The following FSTL4 variants were observed in gnomAD, a reference collection of about 807,000 sequenced individuals.
FSTL4 encodes the protein follistatin like 4.
FSTL4 carries 28 observed loss-of-function variants against 78.2 expected under a neutral mutation model. The ratio of observed to expected loss-of-function variants is 0.36; its 90% CI spans 0.27 to 0.49. FSTL4 has a LOEUF of 0.49. Among genes scored for constraint, FSTL4 ranks in the 20% least tolerant of loss-of-function variants. The pLI, the probability that FSTL4 is intolerant of heterozygous loss-of-function variation, is 0.98. For missense variants in FSTL4, 922 were observed against 1,084.9 expected (o/e 0.85, Z 2.11); for synonymous variants, 422 against 440.5 (o/e 0.96, Z 0.53).
intron 7 of FSTL4, chr5:133,244,266 GAC>G (rs1348427945): frequency 1.3e-5 from 2 of 152,350 alleles, no homozygotes; most frequent in Non-Finnish European, 2.9e-5. Flanking sequence ...CCTTCTACCA[GAC>G]ACAAGCACAG....
intron 3 of FSTL4, among the ~76,000 whole-genome samples, chr5:133,531,226 T>A (rs987266526): frequency 6.6e-6 from 1 of 152,174 alleles, no homozygotes; most frequent in Non-Finnish European, 1.5e-5. Flanking sequence ...CATGTTCCTT[T>A]AAAGCAATTG....
chr5:133,623,454 G>A, the FSTL4 span, among the ~76,000 whole-genome samples: 1 of 151,894 alleles, frequency 6.6e-6, no homozygotes, highest in Non-Finnish European at 1.5e-5. Context: ...ACATGCAAAA[G>A]AATGTGTTTA....
At chr5:133,203,669 AC>A in intron 14 of FSTL4, among the ~76,000 whole-genome samples, 1 of 152,284 alleles carries the variant, frequency 6.6e-6, no homozygotes, top group Admixed American at 6.5e-5. Context: ...GCGTTAGGAA[AC>A]TGGATCTTAG....
At chr5:133,570,010 C>A (rs1386180972) in intron 2 of FSTL4, among the ~76,000 whole-genome samples, 1 of 151,698 alleles carries the variant, frequency 6.6e-6, no homozygotes, top group Non-Finnish European at 1.5e-5. Flanking sequence ...GAGATTGAGA[C>A]CATCCTGGCT....
chr5:133,554,090 A>T, intron 3 of FSTL4, among the ~76,000 whole-genome samples: 1 of 152,168 alleles, frequency 6.6e-6, no homozygotes, highest in South Asian at 2.1e-4. Flanking sequence ...CTGGAGTTGG[A>T]TCATTTGGAT....
intron 2 of FSTL4, among the ~76,000 whole-genome samples, chr5:133,596,442 A>G (rs1760738891): frequency 6.6e-6 from 1 of 152,210 alleles, no homozygotes; most frequent in African/African-American, 2.4e-5. Context: ...TCCATTCTCA[A>G]CTCTTAAAAA....
chr5:133,590,766 C>T (rs1760606702), intron 2 of FSTL4, among the ~76,000 whole-genome samples: 2 of 152,228 alleles, frequency 1.3e-5, no homozygotes, highest in East Asian at 1.9e-4. Flanking sequence ...ATACCTGAGA[C>T]TGGGTACTTT....
At chr5:133,818,963 G>GTATATATATATATATATA in the FSTL4 span, among the ~76,000 whole-genome samples, 1 of 30,240 alleles carries the variant, frequency 3.3e-5, no homozygotes, top group Non-Finnish European at 9.1e-5. Context: ...ACACACACAC[G>GTATATATATATATATATA]TACGCATGCA....
At chr5:133,829,868 G>A in the FSTL4 span, among the ~76,000 whole-genome samples, 5 of 152,150 alleles carry the variant, frequency 3.3e-5, no homozygotes, top group Non-Finnish European at 7.4e-5. Context: ...CACCCTCACA[G>A]CCATAGTCCC....
chr5:133,781,584 A>G, the FSTL4 span, among the ~76,000 whole-genome samples: 2 of 152,184 alleles, frequency 1.3e-5, no homozygotes, highest in African/African-American at 4.8e-5. Context: ...AGGAGGGTGC[A>G]GTGTGGCCCA....
upstream of FSTL4, among the ~76,000 whole-genome samples, chr5:133,617,298 C>CAA (rs145317097): frequency 4.6e-3 from 286 of 61,640 alleles, no homozygotes; most frequent in East Asian, 0.012. Context: ...GACTCCATCT[C>CAA]AAAAAAAAAA....
intron 4 of FSTL4, among the ~76,000 whole-genome samples, chr5:133,380,160 C>T (rs1040396832): frequency 6.6e-6 from 1 of 151,520 alleles, no homozygotes; most frequent in African/African-American, 2.4e-5. Flanking sequence ...AAACCCAAAA[C>T]AAGCAGGGCA....
intron 7 of FSTL4, among the ~76,000 whole-genome samples, chr5:133,240,413 C>T (rs1159632528): frequency 2.6e-5 from 4 of 152,198 alleles, no homozygotes; most frequent in East Asian, 1.9e-4. Context: ...GCTGTCTGAG[C>T]CCCCTGGAAG....
chr5:133,457,631 G>T (rs963908928), intron 3 of FSTL4, among the ~76,000 whole-genome samples: 1 of 152,198 alleles, frequency 6.6e-6, no homozygotes, highest in Non-Finnish European at 1.5e-5. Flanking sequence ...CAAGGCAGCG[G>T]GGCCAATCAA....
At chr5:133,492,381 A>T (rs1221386599) in intron 3 of FSTL4, among the ~76,000 whole-genome samples, 1 of 152,138 alleles carries the variant, frequency 6.6e-6, no homozygotes, top group African/African-American at 2.4e-5. Flanking sequence ...CCTTCCTCCT[A>T]AAGTATATAT....
chr5:133,596,640 A>C (rs946564777), intron 2 of FSTL4, among the ~76,000 whole-genome samples: 4 of 152,124 alleles, frequency 2.6e-5, no homozygotes, highest in Non-Finnish European at 5.9e-5. Flanking sequence ...TAGACACAAC[A>C]TCAAGCAGGT....
At chr5:133,614,540 G>A (rs553832867), upstream of FSTL4, among the ~76,000 whole-genome samples, 5 of 152,274 alleles carry the variant, frequency 3.3e-5, no homozygotes, top group Admixed American at 6.5e-5. Context: ...CAAGGCTCCA[G>A]GGAAGCAGCA....
At chr5:133,568,078 G>A (rs1760067044) in intron 2 of FSTL4, among the ~76,000 whole-genome samples, 1 of 152,264 alleles carries the variant, frequency 6.6e-6, no homozygotes. Flanking sequence ...AGGGAGGGTG[G>A]ACCAGGAAGA....
chr5:133,658,886 G>C, the FSTL4 span, among the ~76,000 whole-genome samples: 1 of 152,056 alleles, frequency 6.6e-6, no homozygotes, highest in South Asian at 2.1e-4. Context: ...TTATTGTATA[G>C]CCCAATGCTA....
Sources: gnomAD v4.1 joint callset for allele counts (sites outside exome capture counted in the v4.1 genomes callset) on GRCh38, gnomAD v4.1.1 for gene constraint, MANE v1.5 for transcripts, NCBI Gene and HGNC (gene_info 2026-07-23, HGNC 2026-07-21) for gene names.